Variants in CNTN5 observed in about 807,000 individuals in gnomAD.
CNTN5 encodes the protein contactin 5.
In CNTN5, 77 loss-of-function variants were observed where a neutral mutation model predicts 129.1. That is an observed-to-expected ratio of 0.60 (90% CI 0.50 to 0.72). The LOEUF (loss-of-function observed/expected upper bound fraction) is 0.72. Among genes scored for constraint, CNTN5 ranks in the 30% least tolerant of loss-of-function variants. CNTN5 has a pLI of 0.00. For missense variants in CNTN5, 1,478 were observed against 1,328.8 expected (o/e 1.11, Z -1.75); for synonymous variants, 509 against 465.6 (o/e 1.09, Z -1.20).
At chr11:99,077,128 G>C (rs2135268933) in intron 1 of CNTN5, among the ~76,000 whole-genome samples, 1 of 152,200 alleles carries the variant, frequency 6.6e-6, no homozygotes, top group East Asian at 1.9e-4. Flanking sequence ...GGTCTTCTGT[G>C]GCACACACAT....
intron 1 of CNTN5, among the ~76,000 whole-genome samples, chr11:99,184,893 A>G (rs1858261718): frequency 1.3e-5 from 2 of 151,980 alleles, no homozygotes; most frequent in Non-Finnish European, 2.9e-5. Context: ...ATAAAAGACT[A>G]GTCATTGGTT....
At chr11:99,843,435 A>G (rs1257086235) in intron 4 of CNTN5, among the ~76,000 whole-genome samples, 1 of 152,184 alleles carries the variant, frequency 6.6e-6, no homozygotes, top group Non-Finnish European at 1.5e-5. Flanking sequence ...TAAGGTGTAC[A>G]TCTTTTCCCA....
chr11:99,965,292 T>G (rs1336038339), intron 8 of CNTN5, among the ~76,000 whole-genome samples: 1 of 152,138 alleles, frequency 6.6e-6, no homozygotes, highest in South Asian at 2.1e-4. Flanking sequence ...TCTCTTTTGG[T>G]CATTTAGTGC....
intron 3 of CNTN5, among the ~76,000 whole-genome samples, chr11:99,742,178 C>T (rs1443525765): frequency 6.6e-6 from 1 of 152,112 alleles, no homozygotes; most frequent in Non-Finnish European, 1.5e-5. Flanking sequence ...GACGGATGGA[C>T]AGTCCAAGTC....
At chr11:100,134,249 A>C (rs1946459854) in intron 13 of CNTN5, among the ~76,000 whole-genome samples, 1 of 152,144 alleles carries the variant, frequency 6.6e-6, no homozygotes, top group Admixed American at 6.6e-5. Flanking sequence ...AAATAAATGA[A>C]ATATGAACTT....
chr11:99,445,727 T>C (rs967640281), intron 2 of CNTN5, among the ~76,000 whole-genome samples: 4 of 152,174 alleles, frequency 2.6e-5, no homozygotes, highest in Admixed American at 6.5e-5. Flanking sequence ...TTTTCTTTTT[T>C]ATATTTCAGA....
At chr11:99,649,899 A>G (rs1468043115) in intron 3 of CNTN5, among the ~76,000 whole-genome samples, 1 of 151,730 alleles carries the variant, frequency 6.6e-6, no homozygotes. Context: ...CTTTTTATAA[A>G]TGAGTCTTTA....
At chr11:99,910,982 C>G (rs974374635) in intron 6 of CNTN5, among the ~76,000 whole-genome samples, 4 of 151,958 alleles carry the variant, frequency 2.6e-5, no homozygotes, top group Non-Finnish European at 5.9e-5. Context: ...GTCAGTATTA[C>G]AAAACTTGTC....
At chr11:99,820,660 C>G (rs1276129597) in intron 4 of CNTN5, among the ~76,000 whole-genome samples, 1 of 152,188 alleles carries the variant, frequency 6.6e-6, no homozygotes, top group Non-Finnish European at 1.5e-5. Context: ...GTTTTCTCAA[C>G]ACATATGTGA....
chr11:99,503,236 C>T (rs10893423), intron 2 of CNTN5, among the ~76,000 whole-genome samples: 40,479 of 151,950 alleles, frequency 0.27, 5,706 homozygotes, highest in East Asian at 0.43. Context: ...CCACCATGTT[C>T]GCATACACTA....
chr11:99,730,547 A>C (rs1264026193), intron 3 of CNTN5, among the ~76,000 whole-genome samples: 1 of 152,226 alleles, frequency 6.6e-6, no homozygotes, highest in East Asian at 1.9e-4. Flanking sequence ...TACTTGTAGA[A>C]GCAAGTTTAT....
At chr11:100,140,175 A>G (rs947447575) in intron 13 of CNTN5, among the ~76,000 whole-genome samples, 1 of 152,248 alleles carries the variant, frequency 6.6e-6, no homozygotes, top group Non-Finnish European at 1.5e-5. Flanking sequence ...TAAATAAACC[A>G]GTGATCTCCA....
At chr11:99,638,594 C>T (rs960826127) in intron 3 of CNTN5, among the ~76,000 whole-genome samples, 1 of 152,150 alleles carries the variant, frequency 6.6e-6, no homozygotes, top group Non-Finnish European at 1.5e-5. Context: ...GTGGTACAGG[C>T]AATTGGGTAA....
intron 1 of CNTN5, among the ~76,000 whole-genome samples, chr11:99,088,767 A>T (rs957133339): frequency 6.6e-6 from 1 of 152,210 alleles, no homozygotes; most frequent in Non-Finnish European, 1.5e-5. Flanking sequence ...GTAGAAGAGG[A>T]TGAGAAATTA....
chr11:99,191,860 A>G (rs1356089765), intron 1 of CNTN5, among the ~76,000 whole-genome samples: 1 of 151,834 alleles, frequency 6.6e-6, no homozygotes, highest in Non-Finnish European at 1.5e-5. Context: ...ACATTAAAAA[A>G]GAAGATCTCA....
rs1412602252 is a variant in CNTN5, at chr11:100,271,159, T to C, written c.2232T>C (p.Tyr744=). Residue 744 remains tyrosine (Y), a synonymous_variant, in exon 18 of 25, where the codon TAT becomes TAC. Coordinates refer to ENST00000524871, the MANE Select transcript of CNTN5 (RefSeq NM_014361.4). ...MAVDLNPWVE[Y]EFRVVATNPI... ...TGGACCTAAATCCCTGGGTGGAATA[T>C]GAATTTCGAGTGGTAGCCACCAACC... is the stretch of plus-strand genomic sequence containing the variant. The C allele has an allele frequency of 6.2e-7, 1 of 1,613,126 alleles. No individual in the cohort carries two copies. Among genetic ancestry groups the C allele is most frequent in the African/African-American group, 1.3e-5 (1 of 74,998 alleles).
intron 3 of CNTN5, among the ~76,000 whole-genome samples, chr11:99,796,423 G>A (rs1945942637): frequency 6.6e-6 from 1 of 152,128 alleles, no homozygotes; most frequent in Non-Finnish European, 1.5e-5. Context: ...GCAAGTGTAT[G>A]CTGGCAAAGT....
At chr11:99,641,633 A>C (rs1215795930) in intron 3 of CNTN5, among the ~76,000 whole-genome samples, 2 of 152,138 alleles carry the variant, frequency 1.3e-5, no homozygotes, top group Admixed American at 1.3e-4. Flanking sequence ...GATGTCGGCT[A>C]ATGGGGATTT....
intron 3 of CNTN5, among the ~76,000 whole-genome samples, chr11:99,773,555 G>T (rs958820068): frequency 6.6e-6 from 1 of 151,734 alleles, no homozygotes; most frequent in African/African-American, 2.4e-5. Context: ...AATTTTTATT[G>T]AAATAATACC....
Sources: allele counts gnomAD v4.1 joint callset (sites outside exome capture counted in the v4.1 genomes callset), GRCh38; gene constraint gnomAD v4.1.1; transcripts MANE v1.5; gene names NCBI Gene and HGNC (gene_info 2026-07-23, HGNC 2026-07-21).